Variants in ZMAT4 observed in about 807,000 individuals in gnomAD.
ZMAT4 encodes zinc finger matrin-type protein 4.
ZMAT4 carries 17 observed loss-of-function variants against 28.7 expected under a neutral mutation model. The ratio of observed to expected loss-of-function variants is 0.59; its 90% CI spans 0.41 to 0.89. The LOEUF is 0.89. ZMAT4 is among the 40% of genes least tolerant of loss of function. The pLI, the probability that ZMAT4 is intolerant of heterozygous loss-of-function variation, is 0.00. For synonymous variants in ZMAT4, 117 were observed against 109.2 expected (o/e 1.07, Z -0.44); for missense variants, 240 against 283.8 (o/e 0.85, Z 1.11).
chr8:40,629,140 A>G (rs867291565), intron 5 of ZMAT4, among the ~76,000 whole-genome samples: 2 of 146,494 alleles, frequency 1.4e-5, no homozygotes, highest in South Asian at 2.2e-4. Flanking sequence ...CCCTTCTTTT[A>G]TTTCCATCAG....
At chr8:40,576,367 C>G (rs182191031) in intron 6 of ZMAT4, among the ~76,000 whole-genome samples, 25 of 151,818 alleles carry the variant, frequency 1.6e-4, no homozygotes, top group Non-Finnish European at 3.2e-4. Context: ...AGGCATATTA[C>G]GGTCAAACTG....
chr8:40,815,599 G>A (rs145819000), intron 2 of ZMAT4, among the ~76,000 whole-genome samples: 15 of 152,294 alleles, frequency 9.8e-5, no homozygotes, highest in East Asian at 9.7e-4. Context: ...CCATCTCCAC[G>A]CAGAAGGTGG....
At chr8:40,839,751 T>TA (rs1816633509) in intron 1 of ZMAT4, among the ~76,000 whole-genome samples, 1 of 151,966 alleles carries the variant, frequency 6.6e-6, no homozygotes, top group Non-Finnish European at 1.5e-5. Flanking sequence ...AAGTAGGTGC[T>TA]AAAAAATGTA....
intron 1 of ZMAT4, among the ~76,000 whole-genome samples, chr8:40,848,064 T>C (rs1296664360): frequency 1.3e-5 from 2 of 152,164 alleles, no homozygotes; most frequent in East Asian, 1.9e-4. Context: ...AACACTAGAT[T>C]TTGTCTCCCC....
intron 1 of ZMAT4, among the ~76,000 whole-genome samples, chr8:40,862,978 A>AAAG (rs1563534797): frequency 1.3e-5 from 2 of 152,094 alleles, no homozygotes; most frequent in African/African-American, 2.4e-5. Context: ...ATTTAAAAAA[A>AAAG]AAAGAAAGAA....
At chr8:40,601,437 G>A (rs182183280) in intron 5 of ZMAT4, among the ~76,000 whole-genome samples, 1,561 of 102,640 alleles carry the variant, frequency 0.015, 161 homozygotes, top group African/African-American at 0.052. Context: ...AGGAAGGAAG[G>A]AAGGAAGGAA....
intron 6 of ZMAT4, among the ~76,000 whole-genome samples, chr8:40,556,360 A>G (rs1296810245): frequency 1.3e-5 from 2 of 152,138 alleles, no homozygotes; most frequent in South Asian, 2.1e-4. Flanking sequence ...GATTTTTCTC[A>G]TTCTCTCAAA....
intron 5 of ZMAT4, among the ~76,000 whole-genome samples, chr8:40,582,763 G>A (rs1252312632): frequency 6.6e-6 from 1 of 152,220 alleles, no homozygotes; most frequent in Non-Finnish European, 1.5e-5. Flanking sequence ...GGAGGGCTGA[G>A]TGAGATCTGG....
rs150897590 is a variant in ZMAT4, at chr8:40,762,809, C to T, written c.192+4832G>A. ...GAAGGCCCTGCCCATGCCTCAATTT[C>T]ACACTTATAGCCACCAGAACTGCCA... On this transcript the variant is annotated intron_variant, in intron 3 of 6. Coordinates refer to ENST00000297737, the MANE Select transcript of ZMAT4 (RefSeq NM_024645.3). 3.8e-3 allele frequency among the ~76,000 whole-genome samples: 572 copies of T among 152,308 alleles called. 1 individual carries two copies. Among genetic ancestry groups the T allele is most frequent in the Middle Eastern group, 0.014 (4 of 294 alleles).
At chr8:40,799,946 G>A (rs1814767415) in intron 2 of ZMAT4, among the ~76,000 whole-genome samples, 1 of 152,140 alleles carries the variant, frequency 6.6e-6, no homozygotes, top group Non-Finnish European at 1.5e-5. Context: ...TAACTAATGT[G>A]TTAATAAAGG....
intron 3 of ZMAT4, among the ~76,000 whole-genome samples, chr8:40,766,154 C>G (rs974447340): frequency 1.3e-5 from 2 of 152,236 alleles, no homozygotes; most frequent in Non-Finnish European, 2.9e-5. Flanking sequence ...AGCACCTTCC[C>G]TGACCAGAGC....
chr8:40,823,333 C>G (rs957680947), intron 2 of ZMAT4, among the ~76,000 whole-genome samples: 1 of 152,100 alleles, frequency 6.6e-6, no homozygotes, highest in Admixed American at 6.5e-5. Context: ...GGGACAAATT[C>G]CCCCATTTCC....
At chr8:40,666,598 G>A (rs1808425245) in intron 5 of ZMAT4, among the ~76,000 whole-genome samples, 1 of 152,092 alleles carries the variant, frequency 6.6e-6, no homozygotes, top group African/African-American at 2.4e-5. Flanking sequence ...CAAGTAGAAA[G>A]TTATGTGGAA....
intron 3 of ZMAT4, among the ~76,000 whole-genome samples, chr8:40,707,953 A>G (rs752727102): frequency 6.6e-6 from 1 of 152,226 alleles, no homozygotes; most frequent in Admixed American, 6.5e-5. Context: ...GAGTTCTCAG[A>G]AAATGTTGGC....
chr8:40,593,093 T>C (rs1015379796), intron 5 of ZMAT4, among the ~76,000 whole-genome samples: 3 of 152,202 alleles, frequency 2.0e-5, no homozygotes, highest in African/African-American at 7.2e-5. Context: ...AAATGAAAAT[T>C]CATAGATACG....
At chr8:40,792,092 T>G (rs1814351989) in intron 2 of ZMAT4, among the ~76,000 whole-genome samples, 1 of 152,210 alleles carries the variant, frequency 6.6e-6, no homozygotes, top group African/African-American at 2.4e-5. Flanking sequence ...ACTTTTACAT[T>G]AATTTTGTAT....
chr8:40,549,243 T>C (rs987121960), intron 6 of ZMAT4, among the ~76,000 whole-genome samples: 1 of 152,116 alleles, frequency 6.6e-6, no homozygotes, highest in Non-Finnish European at 1.5e-5. Flanking sequence ...TACATTTCTG[T>C]TCTTTATAAA....
At chr8:40,696,771 C>G (rs1177509113) in intron 4 of ZMAT4, among the ~76,000 whole-genome samples, 6 of 152,050 alleles carry the variant, frequency 3.9e-5, no homozygotes, top group Non-Finnish European at 8.8e-5. Context: ...CACTAAAGTA[C>G]TTTTAAAGAT....
At chr8:40,711,834 T>C (rs1023310758) in intron 3 of ZMAT4, among the ~76,000 whole-genome samples, 20 of 152,108 alleles carry the variant, frequency 1.3e-4, no homozygotes, top group African/African-American at 4.8e-4. Flanking sequence ...TAGGAGACAA[T>C]GGGAAAAGCT....
Sources: gnomAD v4.1 joint callset for allele counts (sites outside exome capture counted in the v4.1 genomes callset) on GRCh38, gnomAD v4.1.1 for gene constraint, MANE v1.5 for transcripts, NCBI Gene and HGNC (gene_info 2026-07-23, HGNC 2026-07-21) for gene names.